Variants in NSD2 observed in about 807,000 individuals in gnomAD.
NSD2 encodes the protein histone-lysine N-methyltransferase NSD2.
A neutral mutation model predicts 139.0 loss-of-function variants in NSD2; 12 were observed. That is an observed-to-expected ratio of 0.09 (90% CI 0.06 to 0.14). The LOEUF (loss-of-function observed/expected upper bound fraction) is 0.14, where lower values mean the gene tolerates loss of function less well. Ranked by LOEUF, NSD2 falls within the 10% of genes least tolerant of loss-of-function variation. NSD2 has a pLI of 1.00. For synonymous variants in NSD2, 669 were observed against 648.7 expected (o/e 1.03, Z -0.48); for missense variants, 1,155 against 1,745.0 (o/e 0.66, Z 6.02).
Position 1,958,144 on chromosome 4 carries a change from C to T in NSD2, c.2985+108C>T, listed in dbSNP as rs1725018259. 1 of 1,137,460 alleles carries T rather than the reference C, an allele frequency of 8.8e-7. No homozygotes were observed. The highest frequency in any genetic ancestry group is 1.3e-6 in the Non-Finnish European group (1 of 785,676). 70.5% of individuals were successfully genotyped at this position (1,137,460 alleles called of 1,614,324 possible). A position where few individuals can be genotyped will look rare whatever the true frequency, so the allele number is the denominator to read the frequency against. ...TGGCTGGGGAGAGGACTGTCACCAG[C>T]CAGGATCTGTGGTGCCTGGCATGGA... On this transcript the variant is annotated intron_variant, in intron 16 of 21. Coordinates refer to ENST00000508803, the MANE Select transcript of NSD2 (RefSeq NM_001042424.3). This position sits in a 1 kb window ranked among gnomAD's most constrained non-coding sequence, Gnocchi z 4.6.
chr4:1,981,620 C>T lies in NSD2; in HGVS notation c.*2711C>T, dbSNP rs1293548481. On this transcript the variant is annotated 3_prime_UTR_variant, in exon 22 of 22. Coordinates refer to ENST00000508803, the MANE Select transcript of NSD2 (RefSeq NM_001042424.3). ...ACTCTTCAGGCACCTGAAGTGAGAA[C>T]CCAGCTGTCCGTCCTCAGGCCGGCC... The T allele has an allele frequency of 5.3e-6, 2 of 376,656 alleles. No homozygotes were observed. Among genetic ancestry groups the T allele is most frequent in the Non-Finnish European group, 9.4e-6 (2 of 212,650 alleles). The allele number at this position is 376,656 out of a possible 1,614,324, so 23.3% of individuals were successfully genotyped here. A position where few individuals can be genotyped will look rare whatever the true frequency, so the allele number is the denominator to read the frequency against.
rs866256399 is a variant in NSD2, at chr4:1,874,997, T to C, written c.-30+3455T>C. On this transcript the variant is annotated intron_variant, in intron 1 of 21. Coordinates refer to ENST00000508803, the MANE Select transcript of NSD2 (RefSeq NM_001042424.3). ...TTTTCTTTTGAGATAGGGTCTCACC[T>C]GTTACCTGGTGTGGAGTGCAGTGGT... is the stretch of plus-strand genomic sequence containing the variant. Among the ~76,000 whole-genome samples the C allele has an allele frequency of 2.6e-5, 4 of 152,328 alleles. No homozygotes were observed. The South Asian group carries it at 8.3e-4, about 32-fold the overall frequency.
Position 1,981,867 on chromosome 4 carries a change from A to AT in NSD2, c.*2958_*2959insT, listed in dbSNP as rs1413411826. On this transcript the variant is annotated 3_prime_UTR_variant, in exon 22 of 22. Coordinates refer to ENST00000508803, the MANE Select transcript of NSD2 (RefSeq NM_001042424.3). ...ATGACTGTTTGTTAGTCAGTAGAGTAAAATGCTGTGTCCACGGGGTGTCAC... is the reference window on the plus strand; with the variant it reads ...ATGACTGTTTGTTAGTCAGTAGAGTATAAATGCTGTGTCCACGGGGTGTCAC... 4 of 398,574 alleles carry AT rather than the reference A, an allele frequency of 1.0e-5. No individual in the cohort carries two copies. The highest frequency in any genetic ancestry group is 1.8e-5 in the Non-Finnish European group (4 of 226,092). The allele number at this position is 398,574 out of a possible 1,614,324, so 24.7% of individuals were successfully genotyped here.
chr4:1,942,063 A>C lies in NSD2; in HGVS notation c.1881+2285A>C. The C allele has an allele frequency of 8.6e-7, 1 of 1,166,020 alleles. No individual in the cohort carries two copies. Among genetic ancestry groups the C allele is most frequent in the Non-Finnish European group, 1.1e-6 (1 of 940,236 alleles). The allele number at this position is 1,166,020 out of a possible 1,614,324, so 72.2% of individuals were successfully genotyped here. A position where few individuals can be genotyped will look rare whatever the true frequency, so the allele number is the denominator to read the frequency against. ...CCTCCCTTTCATCACATTTGTTTGA[A>C]ATAAGGTACTTTTATAGGGTTGGTA... On this transcript the variant is annotated intron_variant, in intron 9 of 21. Coordinates refer to ENST00000508803, the MANE Select transcript of NSD2 (RefSeq NM_001042424.3). The surrounding 1 kb of genome is among the most constrained non-coding windows in gnomAD (Gnocchi z 4.0).
intron 7 of NSD2, 33 bp from the exon 8 acceptor site, chr4:1,938,418 T>TTTTTTTTTTTTTTTTTTTTTTTC: frequency 2.2e-6 from 1 of 449,654 alleles, no homozygotes; most frequent in South Asian, 3.8e-5. Context: ...TTTTCTTTCT[T>TTTTTTTTTTTTTTTTTTTTTTTC]TTTTTTTTTT....
chr4:1,949,615 T>G (rs1724001921), intron 9 of NSD2, among the ~76,000 whole-genome samples: 1 of 152,104 alleles, frequency 6.6e-6, no homozygotes, highest in Non-Finnish European at 1.5e-5. Flanking sequence ...ACAAAAAATT[T>G]AGCCGGACTT....
intron 5 of NSD2, among the ~76,000 whole-genome samples, chr4:1,923,769 C>A (rs1369309077): frequency 6.6e-6 from 1 of 152,102 alleles, no homozygotes; most frequent in Non-Finnish European, 1.5e-5. Context: ...GTGTCCAAAA[C>A]CAAAAAGCTA....
intron 1 of NSD2, among the ~76,000 whole-genome samples, chr4:1,876,030 A>G (rs1714231594): frequency 6.6e-6 from 1 of 151,688 alleles, no homozygotes; most frequent in Admixed American, 6.6e-5. Flanking sequence ...CCTGGCTAAC[A>G]TGGTGAAACC....
chr4:1,925,607 C>T (rs1288103831), intron 5 of NSD2, among the ~76,000 whole-genome samples: 1 of 151,290 alleles, frequency 6.6e-6, no homozygotes, highest in African/African-American at 2.4e-5. Context: ...TTATGTTGGC[C>T]AGGCTGGTCT....
At position 1,976,716 on chromosome 4, in the gene NSD2, C is replaced by G; in HGVS notation, c.3826+37C>G. 1 of 1,537,972 alleles carries G rather than the reference C, an allele frequency of 6.5e-7. No homozygotes were observed. Among genetic ancestry groups the G allele is most frequent in the Non-Finnish European group, 8.8e-7 (1 of 1,139,748 alleles). The stretch of plus-strand genomic sequence containing the variant: ...GCCTCGCGGTGGCTTGCAGCTGTGT[C>G]TGTGTGGCAGGCTCCTGATGGCGGC... On this transcript the variant is annotated intron_variant, in intron 21 of 21. Transcript: ENST00000508803. This position sits in a 1 kb window ranked among gnomAD's most constrained non-coding sequence, Gnocchi z 5.3.
At chr4:1,911,080 C>T (rs1326272911) in intron 3 of NSD2, among the ~76,000 whole-genome samples, 2 of 152,106 alleles carry the variant, frequency 1.3e-5, no homozygotes, top group Non-Finnish European at 2.9e-5. Context: ...TAACAGGCTC[C>T]ACAAAATCTG....
intron 18 of NSD2, among the ~76,000 whole-genome samples, chr4:1,961,398 C>T (rs1725353800): frequency 6.6e-6 from 1 of 152,338 alleles, no homozygotes; most frequent in South Asian, 2.1e-4. Flanking sequence ...GCATGCAGAG[C>T]GTTCCCAGCA....
rs1727119151 is a variant in NSD2 at position 1,976,731 on chromosome 4, C to T, written c.3826+52C>T. The stretch of plus-strand genomic sequence containing the variant: ...GCAGCTGTGTCTGTGTGGCAGGCTC[C>T]TGATGGCGGCTGCTGCCGCTCTTCC... On this transcript the variant is annotated intron_variant, in intron 21 of 21. Coordinates refer to ENST00000508803, the MANE Select transcript of NSD2 (RefSeq NM_001042424.3). The surrounding 1 kb of genome is among the most constrained non-coding windows in gnomAD (Gnocchi z 5.3). 3.3e-6 allele frequency: 5 copies of T among 1,514,112 alleles called. No individual in the cohort carries two copies. Among genetic ancestry groups the T allele is most frequent in the Non-Finnish European group, 3.6e-6 (4 of 1,126,728 alleles). The allele number at this position is 1,514,112 out of a possible 1,614,324, so 93.8% of individuals were successfully genotyped here. A position where few individuals can be genotyped will look rare whatever the true frequency, so the allele number is the denominator to read the frequency against.
chr4:1,911,925 T>C (rs1577417867), intron 3 of NSD2, among the ~76,000 whole-genome samples: 1 of 152,214 alleles, frequency 6.6e-6, no homozygotes, highest in African/African-American at 2.4e-5. Context: ...GTGTCATTAT[T>C]TATAAACATG....
In NSD2 at chr4:1,939,911, G is replaced by A. The variant is rs909319435; in HGVS notation, c.1881+133G>A. The A allele has an allele frequency of 5.5e-5, 85 of 1,536,126 alleles. 1 individual carries two copies. In the African/African-American group the frequency reaches 9.6e-4, roughly 17 times the overall value. ...TCACTGCCAGTGCAGATGTTTTAGG[G>A]CCTCTTGGCTAACTCAGATTCATGA... On this transcript the variant is annotated intron_variant, in intron 9 of 21. Transcript: ENST00000508803.
At chr4:1,887,633 C>A in intron 1 of NSD2, 1 of 152,466 alleles carries the variant, frequency 6.6e-6, no homozygotes, top group South Asian at 2.0e-4. Context: ...GAGCGTGAGC[C>A]ACTACACCTG....
intron 5 of NSD2, among the ~76,000 whole-genome samples, chr4:1,923,371 G>T (rs535576225): frequency 1.3e-3 from 196 of 151,440 alleles, no homozygotes; most frequent in African/African-American, 4.6e-3. Context: ...TCGACACAGT[G>T]AAAGGACAAA....
rs1446023115 is a variant in NSD2, at chr4:1,955,609, A to G, written c.2519-84A>G. The G allele has an allele frequency of 1.4e-6, 2 of 1,456,236 alleles. No homozygotes were observed. Among genetic ancestry groups the G allele is most frequent in the Non-Finnish European group, 1.8e-6 (2 of 1,096,444 alleles). 90.2% of individuals were successfully genotyped at this position (1,456,236 alleles called of 1,614,324 possible). A position where few individuals can be genotyped will look rare whatever the true frequency, so the allele number is the denominator to read the frequency against. ...ACTGATGTTTATAAGTTAAGGCTGT[A>G]ATAAGTGTAGACTGTGAAGCACTGA... is the stretch of plus-strand genomic sequence containing the variant. On this transcript the variant is annotated intron_variant, in intron 13 of 21. Transcript: ENST00000508803. This position sits in a 1 kb window ranked among gnomAD's most constrained non-coding sequence, Gnocchi z 4.7.
intron 2 of NSD2, 75 bp from the exon 3 acceptor site, chr4:1,904,141 G>A: frequency 6.6e-7 from 1 of 1,512,910 alleles, no homozygotes; most frequent in Non-Finnish European, 9.0e-7. Flanking sequence ...TTGTAGCCTG[G>A]TGAATCCTTG....
Sources: allele counts gnomAD v4.1 joint callset (sites outside exome capture counted in the v4.1 genomes callset), GRCh38; gene constraint gnomAD v4.1.1; non-coding constraint Gnocchi (gnomAD v3.1); transcripts MANE v1.5; gene names NCBI Gene and HGNC (gene_info 2026-07-23, HGNC 2026-07-21).